Variants in C10orf90 observed in about 807,000 individuals in gnomAD.
The protein encoded by C10orf90 is chromosome 10 open reading frame 90, also known as (E2-independent) E3 ubiquitin-conjugating enzyme FATS.
C10orf90 carries 56 observed loss-of-function variants against 62.5 expected under a neutral mutation model. The ratio of observed to expected loss-of-function variants is 0.90; its 90% CI spans 0.72 to 1.12. The LOEUF is 1.12. Ranked by LOEUF, C10orf90 falls within the 50% of genes most tolerant of loss-of-function variation. The pLI, the probability that C10orf90 is intolerant of heterozygous loss-of-function variation, is 0.00. For missense variants in C10orf90, 970 were observed against 880.4 expected (o/e 1.10, Z -1.29); for synonymous variants, 386 against 340.4 (o/e 1.13, Z -1.47).
chr10:126,468,562 A>C (rs995605473), intron 4 of C10orf90, among the ~76,000 whole-genome samples: 1 of 152,190 alleles, frequency 6.6e-6, no homozygotes, highest in Non-Finnish European at 1.5e-5. Flanking sequence ...CAGGGCTGGC[A>C]TGTGTCCGGG....
chr10:126,565,074 TAA>T (rs1201293070), intron 2 of C10orf90, among the ~76,000 whole-genome samples: 5 of 24,538 alleles, frequency 2.0e-4, no homozygotes, highest in South Asian at 1.7e-3. Context: ...ATATTATATA[TAA>T]TATATAAAAT....
At chr10:126,468,492 G>T (rs1860407316) in intron 4 of C10orf90, among the ~76,000 whole-genome samples, 3 of 152,322 alleles carry the variant, frequency 2.0e-5, no homozygotes, top group South Asian at 2.1e-4. Context: ...TTCTGGGGAA[G>T]AAAGTAGCAA....
intron 2 of C10orf90, among the ~76,000 whole-genome samples, chr10:126,592,124 A>G (rs977299117): frequency 6.6e-6 from 1 of 152,272 alleles, no homozygotes; most frequent in African/African-American, 2.4e-5. Flanking sequence ...CATACTGCCC[A>G]AAGTAATTTA....
At chr10:126,531,000 C>A (rs1054776251) in intron 2 of C10orf90, among the ~76,000 whole-genome samples, 3 of 151,784 alleles carry the variant, frequency 2.0e-5, no homozygotes, top group African/African-American at 4.8e-5. Flanking sequence ...ATGGTGAAAC[C>A]CTGTCTCTAC....
chr10:126,470,054 G>A, intron 4 of C10orf90: 1 of 456,080 alleles, frequency 2.2e-6, no homozygotes, highest in Non-Finnish European at 4.4e-6. Flanking sequence ...CTGCAGAGAA[G>A]GAGGGAAGGT....
intron 2 of C10orf90, among the ~76,000 whole-genome samples, chr10:126,522,198 G>T (rs1054270955): frequency 1.3e-5 from 2 of 152,204 alleles, no homozygotes; most frequent in Non-Finnish European, 2.9e-5. Context: ...AACCTGGGAG[G>T]CAGAGGTTGC....
At chr10:126,576,699 G>A (rs376290217) in intron 2 of C10orf90, among the ~76,000 whole-genome samples, 2,570 of 71,172 alleles carry the variant, frequency 0.036, 604 homozygotes, top group Middle Eastern at 0.11. Context: ...ACATGTATAT[G>A]TATATGTATA....
At chr10:126,557,927 G>T (rs995994743) in intron 2 of C10orf90, among the ~76,000 whole-genome samples, 5 of 151,888 alleles carry the variant, frequency 3.3e-5, no homozygotes, top group Admixed American at 2.6e-4. Flanking sequence ...TTTGCTCTTG[G>T]GGGGTGACGG....
intron 4 of C10orf90, among the ~76,000 whole-genome samples, chr10:126,472,541 T>C (rs1459384865): frequency 6.6e-6 from 1 of 152,110 alleles, no homozygotes; most frequent in Non-Finnish European, 1.5e-5. Context: ...ACTTGGGTGG[T>C]GGGCTCCTTG....
chr10:126,582,667 G>A (rs575159801), intron 2 of C10orf90, among the ~76,000 whole-genome samples: 1 of 151,778 alleles, frequency 6.6e-6, no homozygotes, highest in Non-Finnish European at 1.5e-5. Flanking sequence ...GAGGAGATAT[G>A]CATCTTTCCA....
intron 4 of C10orf90, chr10:126,496,850 C>G (rs1369827792): frequency 3.3e-6 from 1 of 302,620 alleles, no homozygotes; most frequent in African/African-American, 2.3e-5. Flanking sequence ...GGCACCCACT[C>G]TGTGAGCCAT....
chr10:126,458,943 G>C, intron 7 of C10orf90, 97 bp downstream of exon 7: 1 of 1,280,672 alleles, frequency 7.8e-7, no homozygotes, highest in Non-Finnish European at 1.1e-6. Context: ...TATGTCAGTG[G>C]CATCATTTGG....
intron 1 of C10orf90, among the ~76,000 whole-genome samples, chr10:126,655,374 TATA>T (rs2133864068): frequency 6.6e-6 from 1 of 152,166 alleles, no homozygotes; most frequent in East Asian, 1.9e-4. Context: ...CCATAACAGA[TATA>T]ATAATGAAAA....
In C10orf90 at chr10:126,461,479, G is replaced by A. The variant is rs370692288; in HGVS notation, c.1932C>T (p.Arg644=). Residue 644 remains arginine (R), a synonymous_variant, in exon 6 of 10, where the codon CGC becomes CGT. Transcript: ENST00000488181. ...ACAGGCCAGGGCTCCCTGCTCCATC[G>A]CGGGGTGCTGGCGAGGGTGCTGCTG... is the stretch of plus-strand genomic sequence containing the variant. ...PSPAAPSPAP[R]DGAGSPGLSE... The A allele has an allele frequency of 7.4e-5, 120 of 1,614,012 alleles. No homozygotes were observed. The highest frequency in any genetic ancestry group is 1.3e-4 in the Admixed American group (8 of 59,994).
chr10:126,439,591 A>C (rs1023780743), intron 7 of C10orf90, among the ~76,000 whole-genome samples: 2 of 152,186 alleles, frequency 1.3e-5, no homozygotes, highest in African/African-American at 4.8e-5. Flanking sequence ...ATATGAATAA[A>C]ATGAGAAGTT....
intron 2 of C10orf90, among the ~76,000 whole-genome samples, chr10:126,590,196 C>A (rs2134027112): frequency 6.6e-6 from 1 of 152,258 alleles, no homozygotes. Flanking sequence ...AAAGCAAGTT[C>A]TTACAGACCT....
At chr10:126,568,026 GAAGCTTAGGCCACTCCCT>G (rs1175910747) in intron 2 of C10orf90, among the ~76,000 whole-genome samples, 4 of 152,070 alleles carry the variant, frequency 2.6e-5, no homozygotes, top group Admixed American at 6.5e-5. Context: ...AAGCAAAGTG[GAAGCTTAGGCCACTCCCT>G]AAGCTTAGGC....
At chr10:126,434,224 G>C (rs756798150) in intron 7 of C10orf90, among the ~76,000 whole-genome samples, 1 of 152,128 alleles carries the variant, frequency 6.6e-6, no homozygotes, top group African/African-American at 2.4e-5. Context: ...ACATGTGGGT[G>C]TTTATTGTAA....
Position 126,425,835 on chromosome 10 carries a change from G to T in C10orf90, c.*29C>A. ...AGCATTCGAAGTCCTCCCAGGTCCA[G>T]GTAGTGTGGTCAGCAGGGCAGCCTG... On this transcript the variant is annotated 3_prime_UTR_variant, in exon 10 of 10. Coordinates refer to ENST00000488181, the MANE Select transcript of C10orf90 (RefSeq NM_001350921.2). 1 of 1,610,864 alleles carries T rather than the reference G, an allele frequency of 6.2e-7. No homozygotes were observed. Among genetic ancestry groups the T allele is most frequent in the Non-Finnish European group, 8.5e-7 (1 of 1,178,514 alleles).
Sources: gnomAD v4.1 joint callset for allele counts (sites outside exome capture counted in the v4.1 genomes callset) on GRCh38, gnomAD v4.1.1 for gene constraint, MANE v1.5 for transcripts, NCBI Gene and HGNC (gene_info 2026-07-23, HGNC 2026-07-21) for gene names.